PCDHGA6: variants seen among roughly 807,000 people sequenced by gnomAD.
PCDHGA6 encodes the protein protocadherin gamma-A6.
A neutral mutation model predicts 60.6 loss-of-function variants in PCDHGA6; 41 were observed. The observed-to-expected ratio is 0.68, with a 90% confidence interval of 0.53 to 0.88. PCDHGA6 has a LOEUF of 0.88. Ranked by LOEUF, PCDHGA6 falls within the 40% of genes least tolerant of loss-of-function variation. PCDHGA6 has a pLI of 0.00. For synonymous variants in PCDHGA6, 594 were observed against 524.4 expected, an observed-to-expected ratio of 1.13 and a Z score of -1.81; for missense variants, 1,312 against 1,203.0, an observed-to-expected ratio of 1.09 and a Z score of -1.34.
intron 1 of PCDHGA6, chr5:141,426,791 C>T (rs2096960403): frequency 2.2e-6 from 1 of 456,574 alleles, no homozygotes; most frequent in Non-Finnish European, 4.4e-6. Context: ...TCCAGAGTTA[C>T]CAGCTCAGTT....
chr5:141,476,714 C>A lies in PCDHGA6; in HGVS notation c.2425-18093C>A, dbSNP rs146188020. 1 of 1,614,154 alleles carries A rather than the reference C, an allele frequency of 6.2e-7. No homozygotes were observed. The highest frequency in any genetic ancestry group is 1.1e-5 in the South Asian group (1 of 91,078). ...CAAGTACGCGGAGCTGGTGTTGGAG[C>A]GCGCCCTGGACCGAGAACGGGAGCC... On this transcript the variant is annotated intron_variant, in intron 1 of 3. Transcript: ENST00000517434. This position sits in a 1 kb window ranked among gnomAD's most constrained non-coding sequence, Gnocchi z 7.6.
chr5:141,446,415 T>C (rs1275165245), intron 1 of PCDHGA6, among the ~76,000 whole-genome samples: 2 of 152,046 alleles, frequency 1.3e-5, no homozygotes, highest in African/African-American at 4.8e-5. Flanking sequence ...GTTCCAGCCA[T>C]GTTCATTTGA....
At chr5:141,466,515 TTTTCCTCCCAAATTGA>T (rs2099124043) in intron 1 of PCDHGA6, among the ~76,000 whole-genome samples, 1 of 152,232 alleles carries the variant, frequency 6.6e-6, no homozygotes, top group Admixed American at 6.5e-5. Context: ...AGATCATTTT[TTTTCCTCCCAAATTGA>T]TGTAGATGGT....
chr5:141,419,794 T>G, intron 1 of PCDHGA6: 1 of 1,614,048 alleles, frequency 6.2e-7, no homozygotes, highest in Non-Finnish European at 8.5e-7. Flanking sequence ...TGCTAGTCGC[T>G]GTAAGAGATG....
chr5:141,393,071 C>T (rs927273885), intron 1 of PCDHGA6: 3 of 1,613,680 alleles, frequency 1.9e-6, no homozygotes, highest in Non-Finnish European at 2.5e-6. Context: ...GCTTGATCAC[C>T]GCGGGCAGGA....
At chr5:141,378,741 A>C (rs1588862467) in intron 1 of PCDHGA6, 2 of 152,230 alleles carry the variant, frequency 1.3e-5, no homozygotes, top group African/African-American at 2.4e-5. Context: ...GAAATATTTC[A>C]AGAAAAAAGG....
Position 141,423,337 on chromosome 5 carries a change from A to G in PCDHGA6, c.2424+46830A>G, listed in dbSNP as rs769321122. The G allele has an allele frequency of 6.0e-5, 97 of 1,614,180 alleles. 1 individual carries two copies. The African/African-American group carries it at 8.9e-4, about 15-fold the overall frequency. ...GGTGGCGGTGGCCGCAGTCTCCTGC[A>G]TCTTCCTGGTCTTTGTCATCGTGCT... On this transcript the variant is annotated intron_variant, in intron 1 of 3. Coordinates refer to ENST00000517434, the MANE Select transcript of PCDHGA6 (RefSeq NM_018919.3).
In PCDHGA6 at chr5:141,477,510, A is replaced by G; in HGVS notation, c.2425-17297A>G. On this transcript the variant is annotated intron_variant, in intron 1 of 3. Transcript: ENST00000517434. This position sits in a 1 kb window ranked among gnomAD's most constrained non-coding sequence, Gnocchi z 4.9. ...TCTTCTCAATCTTCCTACGACGTTT[A>G]CATTGAAGAAAACAACCTCCCCGGG... is the stretch of plus-strand genomic sequence containing the variant. 3 of 1,614,172 alleles carry G rather than the reference A, an allele frequency of 1.9e-6. No homozygotes were observed. Among genetic ancestry groups the G allele is most frequent in the Non-Finnish European group, 2.5e-6 (3 of 1,180,018 alleles).
At chr5:141,453,544 C>T (rs540372287) in intron 1 of PCDHGA6, among the ~76,000 whole-genome samples, 12 of 152,310 alleles carry the variant, frequency 7.9e-5, no homozygotes, top group African/African-American at 2.9e-4. Flanking sequence ...ATTCACACCA[C>T]ACTCTGTAGA....
At position 141,485,892 on chromosome 5, in the gene PCDHGA6, C is replaced by T; in HGVS notation, c.2425-8915C>T. On this transcript the variant is annotated intron_variant, in intron 1 of 3. Coordinates refer to ENST00000517434, the MANE Select transcript of PCDHGA6 (RefSeq NM_018919.3). The surrounding 1 kb of genome is among the most constrained non-coding windows in gnomAD (Gnocchi z 5.7). ...GTGCTGGACGTAAACGACAACGCCC[C>T]AGCCTTCCAGCAATCCAGCTACAGG... is the stretch of plus-strand genomic sequence containing the variant. 6.2e-7 allele frequency: 1 copy of T among 1,614,194 alleles called. No individual in the cohort carries two copies.
In PCDHGA6 at chr5:141,431,913, T is replaced by C; in HGVS notation, c.2424+55406T>C. The C allele has an allele frequency of 6.2e-7, 1 of 1,614,140 alleles. No individual in the cohort carries two copies. Among genetic ancestry groups the C allele is most frequent in the Admixed American group, 1.7e-5 (1 of 60,034 alleles). On this transcript the variant is annotated intron_variant, in intron 1 of 3. Transcript: ENST00000517434. This position sits in a 1 kb window ranked among gnomAD's most constrained non-coding sequence, Gnocchi z 4.8. The stretch of plus-strand genomic sequence containing the variant: ...GAGGAAAACGGACAGGTGATCTGTT[T>C]CATCCAAGGAAATCTGCCCTTTAAA...
Position 141,512,160 on chromosome 5 carries a change from G to A in PCDHGA6, c.*987G>A, listed in dbSNP as rs1227447365. On this transcript the variant is annotated 3_prime_UTR_variant, in exon 4 of 4. Coordinates refer to ENST00000517434, the MANE Select transcript of PCDHGA6 (RefSeq NM_018919.3). ...CAGCCAGCTTTGGGCTGAGCTAACA[G>A]GACCAATGGATTAAACTGGCATTTC... 1 of 152,730 alleles carries A rather than the reference G, an allele frequency of 6.5e-6. No individual in the cohort carries two copies. Among genetic ancestry groups the A allele is most frequent in the African/African-American group, 2.4e-5 (1 of 41,456 alleles). The allele number at this position is 152,730 out of a possible 1,614,324, so 9.5% of individuals were successfully genotyped here.
chr5:141,431,227 C>A lies in PCDHGA6; in HGVS notation c.2424+54720C>A, dbSNP rs759752051. On this transcript the variant is annotated intron_variant, in intron 1 of 3. Transcript: ENST00000517434. This position sits in a 1 kb window ranked among gnomAD's most constrained non-coding sequence, Gnocchi z 4.8. Reference sequence around the variant, plus strand: ...CTGAGATGCGGTTCCCTCTACCCCACGCCTGGGATCCGGATATCGGGAAGA... The same window carrying A: ...CTGAGATGCGGTTCCCTCTACCCCAAGCCTGGGATCCGGATATCGGGAAGA... 6.2e-7 allele frequency: 1 copy of A among 1,614,180 alleles called. No homozygotes were observed. The highest frequency in any genetic ancestry group is 8.5e-7 in the Non-Finnish European group (1 of 1,180,042).
chr5:141,490,566 C>T lies in PCDHGA6; in HGVS notation c.2425-4241C>T. 3 of 1,614,132 alleles carry T rather than the reference C, an allele frequency of 1.9e-6. No homozygotes were observed. Among genetic ancestry groups the T allele is most frequent in the Non-Finnish European group, 2.5e-6 (3 of 1,180,028 alleles). On this transcript the variant is annotated intron_variant, in intron 1 of 3. Transcript: ENST00000517434. This position sits in a 1 kb window ranked among gnomAD's most constrained non-coding sequence, Gnocchi z 5.4. ...TACACAAACATCTCACCATCAGGCT[C>T]AACATTTCAGATGTCAATGACAATG...
At chr5:141,403,949 G>C (rs1167033357) in intron 1 of PCDHGA6, 2 of 1,613,886 alleles carry the variant, frequency 1.2e-6, no homozygotes, top group Non-Finnish European at 1.7e-6. Flanking sequence ...GTGGACAAAA[G>C]TGCTCATTTC....
At chr5:141,384,331 G>C (rs376216978) in intron 1 of PCDHGA6, 1 of 1,613,728 alleles carries the variant, frequency 6.2e-7, no homozygotes, top group Non-Finnish European at 8.5e-7. Flanking sequence ...GACTGCACAG[G>C]ACCACGACAG....
chr5:141,506,165 C>T (rs1359711670), intron 3 of PCDHGA6, among the ~76,000 whole-genome samples: 8 of 152,038 alleles, frequency 5.3e-5, no homozygotes, highest in South Asian at 2.1e-4. Context: ...AAGAGCACAG[C>T]CTAAGCTGGG....
chr5:141,472,769 T>C (rs2154571402), intron 1 of PCDHGA6, among the ~76,000 whole-genome samples: 1 of 151,816 alleles, frequency 6.6e-6, no homozygotes, highest in South Asian at 2.1e-4. Context: ...GCAGATCACC[T>C]GAGGTTGGGA....
intron 1 of PCDHGA6, 97 bp from the exon 2 acceptor site, chr5:141,494,710 C>G: frequency 6.2e-7 from 1 of 1,600,966 alleles, no homozygotes; most frequent in Admixed American, 1.7e-5. Context: ...TCTCTGTGCC[C>G]ACTCCCCTCC....
Sources: gnomAD v4.1 joint callset for allele counts (sites outside exome capture counted in the v4.1 genomes callset) on GRCh38, gnomAD v4.1.1 for gene constraint, Gnocchi (gnomAD v3.1) non-coding constraint, MANE v1.5 for transcripts, NCBI Gene and HGNC (gene_info 2026-07-23, HGNC 2026-07-21) for gene names.